The following CHSY3 variants were observed in gnomAD, a reference collection of about 807,000 sequenced individuals.
The protein encoded by CHSY3 is N-acetylgalactosaminyl-proteoglycan 3-beta-glucuronosyltransferase 3.
In CHSY3, 35 loss-of-function variants were observed where a neutral mutation model predicts 67.2. The observed-to-expected ratio is 0.52, with a 90% confidence interval of 0.40 to 0.69. CHSY3 has a LOEUF of 0.69. Ranked by LOEUF, CHSY3 falls within the 30% of genes least tolerant of loss-of-function variation. The pLI, the probability that CHSY3 is intolerant of heterozygous loss-of-function variation, is 0.00. For missense variants in CHSY3, 1,069 were observed against 1,138.5 expected (o/e 0.94, Z 0.88); for synonymous variants, 474 against 434.7 (o/e 1.09, Z -1.12).
chr5:130,052,537 T>G (rs1260387963), intron 2 of CHSY3, among the ~76,000 whole-genome samples: 2 of 152,218 alleles, frequency 1.3e-5, no homozygotes, highest in African/African-American at 4.8e-5. Flanking sequence ...TTTTTTTTAT[T>G]TTGTGAACTT....
intron 2 of CHSY3, among the ~76,000 whole-genome samples, chr5:129,979,025 C>T (rs1484124710): frequency 6.6e-6 from 1 of 150,902 alleles, no homozygotes; most frequent in African/African-American, 2.4e-5. Context: ...GGTGAAACCC[C>T]CTGTCTACTA....
rs1233638593 is a variant in CHSY3 at position 129,993,809 on chromosome 5, T to C, written c.1086+85449T>C. ...TGATGCAGTTTCTTCCTAGCCTCGA[T>C]GGTCTTTACAATTTGGCATGTTTTT... On this transcript the variant is annotated intron_variant, in intron 2 of 2. Coordinates refer to ENST00000305031, the MANE Select transcript of CHSY3 (RefSeq NM_175856.5). 3.3e-5 allele frequency among the ~76,000 whole-genome samples: 5 copies of C among 151,722 alleles called. No homozygotes were observed. In the East Asian group the frequency reaches 5.9e-4, roughly 18 times the overall value.
At chr5:129,922,665 C>T (rs1040074053) in intron 2 of CHSY3, among the ~76,000 whole-genome samples, 1 of 151,768 alleles carries the variant, frequency 6.6e-6, no homozygotes. Flanking sequence ...GTCTTTTGCC[C>T]ATTTCTTAAT....
intron 2 of CHSY3, among the ~76,000 whole-genome samples, chr5:130,068,162 G>C (rs912471335): frequency 2.0e-5 from 3 of 152,086 alleles, no homozygotes; most frequent in African/African-American, 7.2e-5. Flanking sequence ...CAACAACTAA[G>C]TGTCATTATC....
At chr5:129,959,888 T>C (rs1762282599) in intron 2 of CHSY3, among the ~76,000 whole-genome samples, 3 of 152,120 alleles carry the variant, frequency 2.0e-5, no homozygotes, top group Non-Finnish European at 2.9e-5. Flanking sequence ...ATTTCTCTGA[T>C]ATCATACTTG....
chr5:130,084,486 C>T (rs1766546373), intron 2 of CHSY3, among the ~76,000 whole-genome samples: 2 of 151,880 alleles, frequency 1.3e-5, no homozygotes, highest in African/African-American at 4.8e-5. Context: ...ACCTGTGACA[C>T]AGCCCCAGAA....
At chr5:129,947,818 G>A (rs564021464) in intron 2 of CHSY3, among the ~76,000 whole-genome samples, 2 of 152,206 alleles carry the variant, frequency 1.3e-5, no homozygotes, top group South Asian at 4.1e-4. Context: ...TAACAAGTGC[G>A]AGGTGAAATC....
At chr5:130,162,057 A>AAAAAAAG (rs1554087189) in intron 2 of CHSY3, among the ~76,000 whole-genome samples, 34 of 122,978 alleles carry the variant, frequency 2.8e-4, no homozygotes, top group Non-Finnish European at 4.0e-4. Context: ...AAAAAAAAAA[A>AAAAAAAG]AAAGAAAGAA....
At position 130,134,914 on chromosome 5, in the gene CHSY3, A is replaced by G. The variant is rs17165581; in HGVS notation, c.1087-49315A>G. On this transcript the variant is annotated intron_variant, in intron 2 of 2. Coordinates refer to ENST00000305031, the MANE Select transcript of CHSY3 (RefSeq NM_175856.5). The stretch of plus-strand genomic sequence containing the variant: ...CAAAAAGGTAAACAACAAGAAGTGT[A>G]TTTTTCTCCAATATCAGAATCTTAA... Among the ~76,000 whole-genome samples, 1,065 of 150,790 alleles carry G rather than the reference A, an allele frequency of 7.1e-3. 12 individuals are homozygous for G. Among genetic ancestry groups the G allele is most frequent in the African/African-American group, 0.025 (1,013 of 40,966 alleles).
At chr5:129,922,615 T>A (rs950576869) in intron 2 of CHSY3, among the ~76,000 whole-genome samples, 12 of 152,312 alleles carry the variant, frequency 7.9e-5, no homozygotes, top group Non-Finnish European at 1.6e-4. Context: ...TTCATGTATC[T>A]GTTAGCCATT....
At chr5:130,092,063 G>A (rs1395821831) in intron 2 of CHSY3, among the ~76,000 whole-genome samples, 1 of 152,068 alleles carries the variant, frequency 6.6e-6, no homozygotes, top group Non-Finnish European at 1.5e-5. Flanking sequence ...TTTGAGTGAG[G>A]TCAGTTGCTG....
chr5:130,010,433 A>G (rs1482386772), intron 2 of CHSY3, among the ~76,000 whole-genome samples: 2 of 152,210 alleles, frequency 1.3e-5, no homozygotes, highest in Non-Finnish European at 2.9e-5. Flanking sequence ...TTTGAAACTA[A>G]TGCAAACAGG....
intron 2 of CHSY3, among the ~76,000 whole-genome samples, chr5:130,092,372 T>C (rs966395572): frequency 6.6e-6 from 1 of 152,190 alleles, no homozygotes; most frequent in Admixed American, 6.5e-5. Context: ...TAGACCTGCA[T>C]AAGTGGGCCG....
At chr5:130,022,928 G>C (rs1279754186) in intron 2 of CHSY3, among the ~76,000 whole-genome samples, 1 of 151,938 alleles carries the variant, frequency 6.6e-6, no homozygotes, top group African/African-American at 2.4e-5. Flanking sequence ...AAAATTCGGA[G>C]TATAAAAATA....
At chr5:130,028,633 A>ACTGG (rs1764621915) in intron 2 of CHSY3, among the ~76,000 whole-genome samples, 1 of 152,056 alleles carries the variant, frequency 6.6e-6, no homozygotes, top group Non-Finnish European at 1.5e-5. Flanking sequence ...TATCTCACAT[A>ACTGG]ACTGAAAAGT....
chr5:130,014,556 A>G lies in CHSY3; in HGVS notation c.1086+106196A>G, dbSNP rs183609353. ...ATCTTGTGAGAACTCACTCACTATC[A>G]TGAGAACAGCATGGGGGAATCTCCT... On this transcript the variant is annotated intron_variant, in intron 2 of 2. Coordinates refer to ENST00000305031, the MANE Select transcript of CHSY3 (RefSeq NM_175856.5). Among the ~76,000 whole-genome samples the G allele has an allele frequency of 4.6e-3, 696 of 152,294 alleles. 9 individuals are homozygous for G. Among genetic ancestry groups the G allele is most frequent in the African/African-American group, 0.016 (651 of 41,570 alleles).
chr5:130,032,520 A>G (rs1236567096), intron 2 of CHSY3, among the ~76,000 whole-genome samples: 1 of 152,030 alleles, frequency 6.6e-6, no homozygotes, highest in Non-Finnish European at 1.5e-5. Flanking sequence ...TGTTGCTATC[A>G]CCTATCCTAA....
intron 2 of CHSY3, among the ~76,000 whole-genome samples, chr5:130,108,892 T>TATAA (rs1205907087): frequency 6.6e-6 from 1 of 151,712 alleles, no homozygotes; most frequent in African/African-American, 2.4e-5. Context: ...ATCTATTAAA[T>TATAA]ATAAGGCAAA....
At chr5:130,010,160 C>G (rs1472241461) in intron 2 of CHSY3, among the ~76,000 whole-genome samples, 3 of 152,074 alleles carry the variant, frequency 2.0e-5, no homozygotes, top group East Asian at 1.9e-4. Flanking sequence ...AACATTCCAT[C>G]CAACAAAAAG....
Sources: gnomAD v4.1 joint callset for allele counts (sites outside exome capture counted in the v4.1 genomes callset) on GRCh38, gnomAD v4.1.1 for gene constraint, MANE v1.5 for transcripts, NCBI Gene and HGNC (gene_info 2026-07-23, HGNC 2026-07-21) for gene names.